The following CUL2 variants were observed in gnomAD, a reference collection of about 807,000 sequenced individuals.
The protein encoded by CUL2 is cullin 2.
A neutral mutation model predicts 110.2 loss-of-function variants in CUL2; 22 were observed. The ratio of observed to expected loss-of-function variants is 0.20; its 90% CI spans 0.14 to 0.28. The LOEUF is 0.28. Among genes scored for constraint, CUL2 ranks in the 10% least tolerant of loss-of-function variants. The pLI is 1.00. For synonymous variants in CUL2, 279 were observed against 293.2 expected (o/e 0.95, Z 0.49); for missense variants, 631 against 905.5 (o/e 0.70, Z 3.89).
chr10:35,114,267 T>G (rs1010925738), intron 1 of CUL2, among the ~76,000 whole-genome samples: 1 of 151,692 alleles, frequency 6.6e-6, no homozygotes, highest in Non-Finnish European at 1.5e-5. Flanking sequence ...TTTCCCCATG[T>G]TGGCCAGGAT....
At chr10:35,087,239 G>A (rs1159776215) in intron 1 of CUL2, among the ~76,000 whole-genome samples, 3 of 152,108 alleles carry the variant, frequency 2.0e-5, no homozygotes. Flanking sequence ...ATTATTTTTT[G>A]TAGACATGGG....
At chr10:35,099,898 G>A (rs2087353457) in intron 2 of CUL2, among the ~76,000 whole-genome samples, 2 of 152,074 alleles carry the variant, frequency 1.3e-5, no homozygotes, top group African/African-American at 2.4e-5. Flanking sequence ...TAACCTTATG[G>A]TTTACTTGAC....
intron 5 of CUL2, among the ~76,000 whole-genome samples, chr10:35,051,432 T>C (rs1375937002): frequency 2.0e-5 from 3 of 150,968 alleles, no homozygotes; most frequent in African/African-American, 4.9e-5. Flanking sequence ...GCTAACATAG[T>C]GAAATCCCGT....
At chr10:35,054,283 G>C in intron 5 of CUL2, 151 bp downstream of exon 5, 3 of 503,040 alleles carry the variant, frequency 6.0e-6, no homozygotes, top group South Asian at 6.4e-5. Flanking sequence ...AGGATTCTTA[G>C]GAAATCACTA....
chr10:35,036,876 G>A (rs1419496133), intron 9 of CUL2, among the ~76,000 whole-genome samples: 1 of 152,086 alleles, frequency 6.6e-6, no homozygotes, highest in Non-Finnish European at 1.5e-5. Flanking sequence ...TGGGACCACA[G>A]GTGCACACCA....
intron 2 of CUL2, among the ~76,000 whole-genome samples, chr10:35,099,897 G>A (rs2087353403): frequency 6.6e-6 from 1 of 152,016 alleles, no homozygotes; most frequent in Admixed American, 6.6e-5. Flanking sequence ...TTAACCTTAT[G>A]GTTTACTTGA....
chr10:35,016,926 CAAAAA>C lies in CUL2; in HGVS notation c.1685-537_1685-533del, dbSNP rs1427211253. On this transcript the variant is annotated intron_variant, in intron 17 of 20. Coordinates refer to ENST00000374749, the MANE Select transcript of CUL2 (RefSeq NM_003591.4). Reference sequence around the variant, plus strand: ...CGGGTGACAGAGCGAGACTCTGTCTCAAAAAAAAAAAAAAAACAAAAAAAAAAGTC... The same window carrying C: ...CGGGTGACAGAGCGAGACTCTGTCTCAAAAAAAAAAACAAAAAAAAAAGTC... Among the ~76,000 whole-genome samples the C allele has an allele frequency of 4.9e-5, 3 of 60,988 alleles. No individual in the cohort carries two copies. The South Asian group carries it at 1.8e-3, about 36-fold the overall frequency. The allele number at this position is 60,988 out of a possible 152,430, so 40.0% of individuals were successfully genotyped here. A position where few individuals can be genotyped will look rare whatever the true frequency, so the allele number is the denominator to read the frequency against.
chr10:35,117,476 T>G (rs2087623413), intron 1 of CUL2, among the ~76,000 whole-genome samples: 1 of 151,960 alleles, frequency 6.6e-6, no homozygotes, highest in Non-Finnish European at 1.5e-5. Context: ...GCAATTCTCC[T>G]GCCTCAGCCT....
At chr10:35,023,758 G>GAA (rs111869437) in intron 17 of CUL2, among the ~76,000 whole-genome samples, 54 of 150,562 alleles carry the variant, frequency 3.6e-4, no homozygotes, top group African/African-American at 6.6e-4. Context: ...TTTTCTTAGG[G>GAA]GAAAAAAAAA....
At chr10:35,082,167 T>C (rs1468859822) in intron 1 of CUL2, among the ~76,000 whole-genome samples, 2 of 151,934 alleles carry the variant, frequency 1.3e-5, no homozygotes, top group East Asian at 3.9e-4. Flanking sequence ...CAGTGAGTTA[T>C]GATCACACCA....
chr10:35,071,381 T>G (rs761745070), intron 1 of CUL2, 42 bp from the exon 2 acceptor site: 21 of 1,549,582 alleles, frequency 1.4e-5, no homozygotes, highest in Non-Finnish European at 1.5e-5. Flanking sequence ...AATAATTCCA[T>G]GAGCTTAGTT....
At chr10:35,025,622 A>G (rs567967318) in intron 16 of CUL2, among the ~76,000 whole-genome samples, 27 of 152,356 alleles carry the variant, frequency 1.8e-4, no homozygotes, top group Middle Eastern at 3.4e-3. Context: ...TCCACATTCA[A>G]TTAGACACAA....
Position 35,016,271 on chromosome 10 carries a change from G to A in CUL2, c.1808C>T (p.Thr603Ile). The A allele has an allele frequency of 6.2e-7, 1 of 1,613,968 alleles. No homozygotes were observed. Among genetic ancestry groups the A allele is most frequent in the Non-Finnish European group, 8.5e-7 (1 of 1,179,946 alleles). ...TGTCAGTTCCTTTTCATTCATCTGA[G>A]TGCTGTCCTGAAGCTCTTTATAACT... ...TVSYKELQDSTQMNEKELTKT... is the reference protein window; with the variant it reads ...TVSYKELQDSIQMNEKELTKT... The change falls in exon 18 of 21, where the codon ACT (threonine) becomes ATT (isoleucine). Residue 603 changes from threonine to isoleucine, a missense_variant. By Grantham distance (89) the Thr-to-Ile change is moderately conservative. Around this residue, in one of 3 missense-constraint regions of CUL2, gnomAD observed 159 missense variants for 202.7 expected, o/e 0.78. Coordinates refer to ENST00000374749, the MANE Select transcript of CUL2 (RefSeq NM_003591.4).
intron 8 of CUL2, among the ~76,000 whole-genome samples, chr10:35,042,579 T>C (rs1427920256): frequency 2.0e-5 from 3 of 152,224 alleles, no homozygotes; most frequent in East Asian, 1.9e-4. Context: ...AGCCCCACCC[T>C]GTACGCTGGG....
At chr10:35,092,522 A>G (rs890784341), upstream of CUL2, among the ~76,000 whole-genome samples, 1 of 152,250 alleles carries the variant, frequency 6.6e-6, no homozygotes, top group African/African-American at 2.4e-5. Flanking sequence ...TGGGAAGTAC[A>G]CATGCACTTC....
intron 1 of CUL2, among the ~76,000 whole-genome samples, chr10:35,114,385 T>C (rs1329345818): frequency 6.6e-6 from 1 of 151,668 alleles, no homozygotes; most frequent in Non-Finnish European, 1.5e-5. Context: ...GTTTTTGTTG[T>C]TGTTTTTTGT....
At chr10:35,065,108 T>A (rs1009169308) in intron 2 of CUL2, among the ~76,000 whole-genome samples, 1 of 152,234 alleles carries the variant, frequency 6.6e-6, no homozygotes, top group Non-Finnish European at 1.5e-5. Context: ...ACCAATTAAC[T>A]ATGTTCTTTT....
chr10:35,029,552 T>C lies in CUL2; in HGVS notation c.1475A>G (p.Asn492Ser), dbSNP rs763849370. Residue 492 changes from asparagine (N) to serine (S), a missense_variant, in exon 15 of 21, where the codon AAT (asparagine) becomes AGT (serine). This residue lies in a region of CUL2 where 134 missense variants were observed against 260.4 expected (regional missense o/e 0.51). Transcript: ENST00000374749. Reference protein sequence around the residue: ...VSADLNNKFNNFIKNQDTVID... With the variant: ...VSADLNNKFNSFIKNQDTVID... ...TACTGTGTCTTGGTTTTTGATAAAA[T>C]TGTTGAACTTATTGTTGAGATCAGC... 2.3e-5 allele frequency: 36 copies of C among 1,590,340 alleles called. No individual in the cohort carries two copies. The Admixed American group carries it at 4.9e-4, about 21-fold the overall frequency.
chr10:35,040,732 C>T (rs1163421281), intron 8 of CUL2, among the ~76,000 whole-genome samples: 2 of 152,074 alleles, frequency 1.3e-5, no homozygotes, highest in South Asian at 2.1e-4. Flanking sequence ...AGACGGAGTG[C>T]GGGCGGCATT....
Sources: allele counts gnomAD v4.1 joint callset (sites outside exome capture counted in the v4.1 genomes callset), GRCh38; gene constraint gnomAD v4.1.1; regional missense constraint gnomAD v4.1.1; transcripts MANE v1.5; gene names NCBI Gene and HGNC (gene_info 2026-07-23, HGNC 2026-07-21).